Variants in PTPRD observed in about 807,000 individuals in gnomAD.
PTPRD encodes the protein protein tyrosine phosphatase receptor type D, also known as receptor-type tyrosine-protein phosphatase delta.
In PTPRD, 34 loss-of-function variants were observed where a neutral mutation model predicts 214.5. That is an observed-to-expected ratio of 0.16 (90% CI 0.12 to 0.21). The LOEUF (loss-of-function observed/expected upper bound fraction) is 0.21. Among genes scored for constraint, PTPRD ranks in the 10% least tolerant of loss-of-function variants. The probability of loss-of-function intolerance (pLI) is 1.00; values close to 1 mark genes in which losing one functional copy is unlikely to be tolerated. For synonymous variants in PTPRD, 1,128 were observed against 845.7 expected, an observed-to-expected ratio of 1.33 and a Z score of -5.79; for missense variants, 2,545 against 2,398.7, an observed-to-expected ratio of 1.06 and a Z score of -1.27.
intron 3 of PTPRD, among the ~76,000 whole-genome samples, chr9:10,189,000 C>A (rs939147348): frequency 6.6e-6 from 1 of 152,026 alleles, no homozygotes; most frequent in Non-Finnish European, 1.5e-5. Context: ...GTAGGGTATT[C>A]CAGTTTCCAT....
intron 10 of PTPRD, among the ~76,000 whole-genome samples, chr9:9,112,612 C>T (rs2099807627): frequency 6.6e-6 from 1 of 152,146 alleles, no homozygotes. Flanking sequence ...TGATGCAAAC[C>T]TCGACTAATT....
chr9:10,255,232 A>T (rs928273592), intron 3 of PTPRD, among the ~76,000 whole-genome samples: 2 of 152,174 alleles, frequency 1.3e-5, no homozygotes, highest in African/African-American at 4.8e-5. Context: ...ATTATTAGGC[A>T]ATTTATTCTC....
chr9:8,741,329 C>G (rs1023306065), intron 11 of PTPRD, among the ~76,000 whole-genome samples: 1 of 152,108 alleles, frequency 6.6e-6, no homozygotes, highest in African/African-American at 2.4e-5. Flanking sequence ...TCAGTTATTA[C>G]TGCATGTCAT....
chr9:9,939,174 T>C (rs1305635935), intron 4 of PTPRD, among the ~76,000 whole-genome samples: 1 of 152,112 alleles, frequency 6.6e-6, no homozygotes, highest in Non-Finnish European at 1.5e-5. Context: ...GTTGCTACTA[T>C]GGAAATAGAC....
intron 8 of PTPRD, among the ~76,000 whole-genome samples, chr9:9,528,300 T>A (rs897777774): frequency 3.3e-5 from 5 of 152,124 alleles, no homozygotes; most frequent in African/African-American, 1.2e-4. Flanking sequence ...TTCCTGGAAC[T>A]GTCAGAGGGC....
chr9:9,880,606 A>C (rs2068360142), intron 5 of PTPRD, among the ~76,000 whole-genome samples: 2 of 152,104 alleles, frequency 1.3e-5, no homozygotes, highest in Admixed American at 6.6e-5. Flanking sequence ...CTAGAGGAGA[A>C]TTTAATTTGT....
At chr9:9,418,657 A>G (rs1475802930) in intron 8 of PTPRD, among the ~76,000 whole-genome samples, 1 of 152,002 alleles carries the variant, frequency 6.6e-6, no homozygotes, top group Non-Finnish European at 1.5e-5. Flanking sequence ...TATTGGCTAC[A>G]AGTGTTCTTA....
At chr9:9,673,064 T>C (rs2096860814) in intron 7 of PTPRD, among the ~76,000 whole-genome samples, 1 of 151,952 alleles carries the variant, frequency 6.6e-6, no homozygotes, top group Non-Finnish European at 1.5e-5. Context: ...CTGTTAATAG[T>C]GATTCAAGGG....
At chr9:9,486,150 CAAAAAAAAAAAAAAAAAAAA>C (rs71319226) in intron 8 of PTPRD, among the ~76,000 whole-genome samples, 19 of 30,166 alleles carry the variant, frequency 6.3e-4, no homozygotes, top group South Asian at 4.2e-3. Flanking sequence ...GACTCTCTCT[CAAAAAAAAAAAAAAAAAAAA>C]AAAAAAAAAA....
chr9:10,183,660 TA>T (rs2099313675), intron 3 of PTPRD, among the ~76,000 whole-genome samples: 1 of 151,834 alleles, frequency 6.6e-6, no homozygotes, highest in Admixed American at 6.6e-5. Context: ...ATTTAAAAAG[TA>T]AAGGAAAAGA....
rs183959211 is a variant in PTPRD at position 9,499,941 on chromosome 9, A to G, written c.-237+74791T>C. Among the ~76,000 whole-genome samples the G allele has an allele frequency of 1.4e-4, 22 of 152,208 alleles. No individual in the cohort carries two copies. In the East Asian group the frequency reaches 4.3e-3, roughly 29 times the overall value. Reference sequence around the variant, plus strand: ...AACTGATCCATACCAAGCAGAAGTGATACTGCAGCAATAAACATTTGGAAG... The same window carrying G: ...AACTGATCCATACCAAGCAGAAGTGGTACTGCAGCAATAAACATTTGGAAG... On this transcript the variant is annotated intron_variant, in intron 8 of 45. Coordinates refer to ENST00000381196, the MANE Select transcript of PTPRD (RefSeq NM_002839.4).
intron 9 of PTPRD, among the ~76,000 whole-genome samples, chr9:9,216,195 T>C (rs1457311197): frequency 6.6e-6 from 1 of 152,164 alleles, no homozygotes; most frequent in East Asian, 1.9e-4. Context: ...TTGCATATGC[T>C]TTTGTATGTA....
At chr9:9,484,244 G>A (rs541448170) in intron 8 of PTPRD, among the ~76,000 whole-genome samples, 17 of 152,090 alleles carry the variant, frequency 1.1e-4, no homozygotes, top group South Asian at 8.3e-4. Context: ...TTCTGGTCAT[G>A]TAAGTCAGTC....
intron 9 of PTPRD, among the ~76,000 whole-genome samples, chr9:9,383,445 G>C (rs1274953186): frequency 1.3e-5 from 2 of 152,178 alleles, no homozygotes; most frequent in East Asian, 3.9e-4. Flanking sequence ...AGTACTAACT[G>C]AACTTATTAA....
At chr9:8,776,502 TG>T (rs2095480608) in intron 11 of PTPRD, among the ~76,000 whole-genome samples, 1 of 134,774 alleles carries the variant, frequency 7.4e-6, no homozygotes. Context: ...TTCGTCATGT[TG>T]CCCAGGCCGG....
intron 14 of PTPRD, among the ~76,000 whole-genome samples, chr9:8,594,760 T>C (rs902620737): frequency 6.6e-6 from 1 of 152,070 alleles, no homozygotes; most frequent in Non-Finnish European, 1.5e-5. Flanking sequence ...TCCCCAGCCA[T>C]GAAGAACTGT....
At chr9:9,692,077 C>G (rs2097282364) in intron 7 of PTPRD, among the ~76,000 whole-genome samples, 1 of 147,364 alleles carries the variant, frequency 6.8e-6, no homozygotes, top group Non-Finnish European at 1.5e-5. Flanking sequence ...TGTGTGTTGT[C>G]TCTTCGCTTT....
At chr9:9,256,926 T>C (rs766108469) in intron 9 of PTPRD, among the ~76,000 whole-genome samples, 2 of 151,994 alleles carry the variant, frequency 1.3e-5, no homozygotes, top group African/African-American at 2.4e-5. Context: ...CAAGTTGTTT[T>C]TATGCACCAT....
At chr9:9,831,392 G>A (rs993747246) in intron 5 of PTPRD, among the ~76,000 whole-genome samples, 1 of 151,870 alleles carries the variant, frequency 6.6e-6, no homozygotes, top group Non-Finnish European at 1.5e-5. Flanking sequence ...AATTCACAAG[G>A]TTACTACATT....
Sources: gnomAD v4.1 joint callset for allele counts (sites outside exome capture counted in the v4.1 genomes callset) on GRCh38, gnomAD v4.1.1 for gene constraint, MANE v1.5 for transcripts, NCBI Gene and HGNC (gene_info 2026-07-23, HGNC 2026-07-21) for gene names.